Variants in RAB33B observed in about 807,000 individuals in gnomAD.
RAB33B encodes the protein ras-related protein Rab-33B.
In RAB33B, 6 loss-of-function variants were observed where a neutral mutation model predicts 15.0. That is an observed-to-expected ratio of 0.40 (90% confidence interval 0.22 to 0.79). The LOEUF (loss-of-function observed/expected upper bound fraction) is 0.79. RAB33B is among the 30% of genes least tolerant of loss of function. RAB33B has a pLI of 0.37. For missense variants in RAB33B, 257 were observed against 296.4 expected (o/e 0.87, Z 0.98); for synonymous variants, 117 against 108.3 (o/e 1.08, Z -0.50).
chr4:139,467,505 A>G (rs1449853617), intron 1 of RAB33B, among the ~76,000 whole-genome samples: 5 of 151,120 alleles, frequency 3.3e-5, no homozygotes, highest in Non-Finnish European at 7.4e-5. Context: ...TGCAATGTGA[A>G]ATAAGCACAT....
the RAB33B span, among the ~76,000 whole-genome samples, chr4:139,443,716 G>A: frequency 1.3e-5 from 2 of 152,196 alleles, no homozygotes; most frequent in Admixed American, 6.5e-5. Context: ...TGGGGACACT[G>A]AGCTTGTAAA....
At chr4:139,459,639 T>C (rs1750132613) in intron 1 of RAB33B, among the ~76,000 whole-genome samples, 1 of 151,744 alleles carries the variant, frequency 6.6e-6, no homozygotes, top group Non-Finnish European at 1.5e-5. Context: ...TTCTTTTTTT[T>C]TTTTTTTCTT....
At chr4:139,456,536 G>C (rs771232893) in intron 1 of RAB33B, among the ~76,000 whole-genome samples, 12 of 152,248 alleles carry the variant, frequency 7.9e-5, no homozygotes, top group South Asian at 2.1e-4. Flanking sequence ...CCACAGGTAT[G>C]ACGAATCTGG....
chr4:139,460,606 G>A (rs1025947769), intron 1 of RAB33B, among the ~76,000 whole-genome samples: 3 of 152,188 alleles, frequency 2.0e-5, no homozygotes, highest in Non-Finnish European at 2.9e-5. Context: ...TTCTTAAAAT[G>A]TGGTATTGGT....
intron 1 of RAB33B, among the ~76,000 whole-genome samples, chr4:139,463,939 C>T (rs1358733818): frequency 6.6e-6 from 1 of 152,104 alleles, no homozygotes; most frequent in East Asian, 1.9e-4. Context: ...TTTGTAAATG[C>T]CTCATTATTA....
the RAB33B span, among the ~76,000 whole-genome samples, chr4:139,444,959 T>C: frequency 1.3e-5 from 2 of 152,220 alleles, no homozygotes; most frequent in African/African-American, 4.8e-5. Context: ...AGTGCCACCA[T>C]CAAGGACTTG....
the RAB33B span, among the ~76,000 whole-genome samples, chr4:139,442,161 G>A: frequency 3.9e-5 from 6 of 152,062 alleles, no homozygotes; most frequent in Admixed American, 1.3e-4. Context: ...AACAGAGTGT[G>A]TAACTTAAAA....
upstream of RAB33B, chr4:139,450,105 C>T (rs142129561): frequency 5.2e-3 from 796 of 152,292 alleles, 3 homozygotes; most frequent in Admixed American, 9.2e-3. Flanking sequence ...GCTAAAATCA[C>T]ACCTTATTTT....
At chr4:139,466,710 C>G (rs1287426684) in intron 1 of RAB33B, among the ~76,000 whole-genome samples, 1 of 151,826 alleles carries the variant, frequency 6.6e-6, no homozygotes, top group African/African-American at 2.4e-5. Flanking sequence ...TCCCAAGTAG[C>G]TGGGACTACA....
At chr4:139,453,819 G>A (rs1396555756), upstream of RAB33B, 7 of 173,956 alleles carry the variant, frequency 4.0e-5, no homozygotes, top group Non-Finnish European at 7.2e-5. Context: ...TTCCTCCAGA[G>A]GGCGGGAACC....
intron 1 of RAB33B, among the ~76,000 whole-genome samples, chr4:139,469,377 G>A (rs1243386395): frequency 1.3e-5 from 2 of 152,058 alleles, no homozygotes; most frequent in African/African-American, 4.8e-5. Flanking sequence ...GAATCTCTTT[G>A]TTGAATTTAT....
At chr4:139,461,052 G>A (rs1579175701) in intron 1 of RAB33B, among the ~76,000 whole-genome samples, 1 of 152,312 alleles carries the variant, frequency 6.6e-6, no homozygotes, top group Middle Eastern at 3.4e-3. Flanking sequence ...ACTGTGTGAG[G>A]ACTCTAAGCA....
chr4:139,463,799 C>T (rs1181023367), intron 1 of RAB33B, among the ~76,000 whole-genome samples: 3 of 152,192 alleles, frequency 2.0e-5, no homozygotes, highest in Admixed American at 2.0e-4. Context: ...TCTCACTGCT[C>T]CTTTCCTGTC....
chr4:139,449,295 CATT>C, upstream of RAB33B: 1 of 152,204 alleles, frequency 6.6e-6, no homozygotes, highest in East Asian at 1.9e-4. Flanking sequence ...GTAATTATGA[CATT>C]ATTATTGTCT....
intron 1 of RAB33B, among the ~76,000 whole-genome samples, chr4:139,463,837 G>T (rs560190433): frequency 2.0e-4 from 30 of 152,296 alleles, no homozygotes; most frequent in South Asian, 2.1e-4. Context: ...CAGTGTGCAG[G>T]CCTGGAAGGC....
Position 139,473,368 on chromosome 4 carries a change from A to C in RAB33B, c.*242A>C, listed in dbSNP as rs1013355220. ...ATAGGATGAATCTGAACATCTCTCC[A>C]TCTAGAGCCCAATGAAGGAAGCTTC... is the stretch of plus-strand genomic sequence containing the variant. On this transcript the variant is annotated 3_prime_UTR_variant, in exon 2 of 2. Coordinates refer to ENST00000305626, the MANE Select transcript of RAB33B (RefSeq NM_031296.3). The C allele has an allele frequency of 1.9e-5, 9 of 483,798 alleles. No individual in the cohort carries two copies. Among genetic ancestry groups the C allele is most frequent in the Non-Finnish European group, 3.3e-5 (9 of 274,828 alleles). 30.0% of individuals were successfully genotyped at this position (483,798 alleles called of 1,614,324 possible).
At chr4:139,461,585 C>T (rs1339850860) in intron 1 of RAB33B, among the ~76,000 whole-genome samples, 1 of 152,064 alleles carries the variant, frequency 6.6e-6, no homozygotes, top group Non-Finnish European at 1.5e-5. Context: ...AGTAAATGCT[C>T]ATTCCTTCAG....
At chr4:139,443,401 CTA>C in the RAB33B span, among the ~76,000 whole-genome samples, 2 of 152,148 alleles carry the variant, frequency 1.3e-5, no homozygotes, top group South Asian at 2.1e-4. Flanking sequence ...ACCTTTGACT[CTA>C]TGTGGAGAAC....
At chr4:139,452,695 A>G (rs1298143382), upstream of RAB33B, 1 of 152,236 alleles carries the variant, frequency 6.6e-6, no homozygotes, top group Non-Finnish European at 1.5e-5. Context: ...GTCTTTCTAC[A>G]GCAACAGGAA....
Sources: allele counts gnomAD v4.1 joint callset (sites outside exome capture counted in the v4.1 genomes callset), GRCh38; gene constraint gnomAD v4.1.1; transcripts MANE v1.5; gene names NCBI Gene and HGNC (gene_info 2026-07-23, HGNC 2026-07-21).